Variants in SCUBE3 observed in about 807,000 individuals in gnomAD.
The protein encoded by SCUBE3 is signal peptide, CUB domain and EGF like domain containing 3, also known as signal peptide, CUB and EGF-like domain-containing protein 3.
SCUBE3 carries 33 observed loss-of-function variants against 116.8 expected under a neutral mutation model. The ratio of observed to expected loss-of-function variants is 0.28; its 90% confidence interval spans 0.21 to 0.38. SCUBE3 has a LOEUF of 0.38. Among genes scored for constraint, SCUBE3 ranks in the 10% least tolerant of loss-of-function variants. SCUBE3 has a pLI of 1.00. For missense variants in SCUBE3, 1,007 were observed against 1,324.8 expected (o/e 0.76, Z 3.72); for synonymous variants, 418 against 496.9 (o/e 0.84, Z 2.11).
rs563813248 is a variant in SCUBE3 at position 35,247,554 on chromosome 6, G to T, written c.2833-1002G>T. 3.3e-5 allele frequency among the ~76,000 whole-genome samples: 5 copies of T among 151,322 alleles called. No homozygotes were observed. In the East Asian group the frequency reaches 9.7e-4, roughly 29 times the overall value. On this transcript the variant is annotated intron_variant, in intron 21 of 21. Transcript: ENST00000274938. ...TTTTTATATTATCATCAAAATAAAA[G>T]CCTTGACAACAAAAATCACCTAGAA...
At position 35,243,187 on chromosome 6, in the gene SCUBE3, G is replaced by A; in HGVS notation, c.1860G>A (p.Glu620=). Reference sequence around the variant, plus strand: ...GCCTGGTAGCCGGGGAGCGAGCAGAGCCGATGGAGTCCTGTAGGCCCGGGC... The same window carrying A: ...GCCTGGTAGCCGGGGAGCGAGCAGAACCGATGGAGTCCTGTAGGCCCGGGC... The part of the protein sequence containing the change: ...KPGLVAGERA[E]PMESCRPGQH... Residue 620 remains glutamate, a synonymous_variant, in exon 15 of 22, where the codon GAG becomes GAA. Transcript: ENST00000274938. The surrounding 1 kb of genome is among the most constrained non-coding windows in gnomAD (Gnocchi z 6.6). 2 of 1,614,214 alleles carry A rather than the reference G, an allele frequency of 1.2e-6. No homozygotes were observed. Among genetic ancestry groups the A allele is most frequent in the South Asian group, 2.2e-5 (2 of 91,086 alleles).
intron 3 of SCUBE3, among the ~76,000 whole-genome samples, chr6:35,230,370 G>A (rs1359782110): frequency 2.0e-5 from 3 of 152,216 alleles, no homozygotes. Flanking sequence ...ACAAGAGAAT[G>A]ATTAGGTATA....
chr6:35,221,383 T>A (rs1168602176), intron 1 of SCUBE3: 1 of 152,188 alleles, frequency 6.6e-6, no homozygotes. Flanking sequence ...AGACTAAACT[T>A]CCTGGGACTT....
At position 35,249,944 on chromosome 6, in the gene SCUBE3, T is replaced by C. The variant is rs1366090503; in HGVS notation, c.*1239T>C. On this transcript the variant is annotated 3_prime_UTR_variant, in exon 22 of 22. Coordinates refer to ENST00000274938, the MANE Select transcript of SCUBE3 (RefSeq NM_152753.4). Reference sequence around the variant, plus strand: ...TTTTGTTTTCTGGGTTTGTTTTTTGTTTTTGTTTCTTCTTCCTCTATTAGC... The same window carrying C: ...TTTTGTTTTCTGGGTTTGTTTTTTGCTTTTGTTTCTTCTTCCTCTATTAGC... 6.5e-6 allele frequency: 1 copy of C among 152,732 alleles called. No homozygotes were observed. Among genetic ancestry groups the C allele is most frequent in the African/African-American group, 2.4e-5 (1 of 41,470 alleles). 9.5% of individuals were successfully genotyped at this position (152,732 alleles called of 1,614,324 possible).
chr6:35,216,969 G>A (rs1026480358), intron 1 of SCUBE3, among the ~76,000 whole-genome samples: 2 of 151,912 alleles, frequency 1.3e-5, no homozygotes, highest in Non-Finnish European at 2.9e-5. Context: ...AGGCAACATA[G>A]CTGGATGTCT....
At chr6:35,248,039 A>C (rs1181375967) in intron 21 of SCUBE3, among the ~76,000 whole-genome samples, 1 of 152,260 alleles carries the variant, frequency 6.6e-6, no homozygotes, top group Admixed American at 6.5e-5. Context: ...GGTGGAAAGC[A>C]AGATACAGAT....
In SCUBE3 at chr6:35,232,473, G is replaced by C. The variant is rs566445484; in HGVS notation, c.470-377G>C. ...TACTGATCTTCTTCCCAGTTTGACTGTAAGCTCTTTGAGGGGAGTGATCAC... is the reference window on the plus strand; with the variant it reads ...TACTGATCTTCTTCCCAGTTTGACTCTAAGCTCTTTGAGGGGAGTGATCAC... On this transcript the variant is annotated intron_variant, in intron 4 of 21. Transcript: ENST00000274938. The surrounding 1 kb of genome is among the most constrained non-coding windows in gnomAD (Gnocchi z 4.2). Among the ~76,000 whole-genome samples the C allele has an allele frequency of 5.3e-5, 8 of 152,154 alleles. No homozygotes were observed. The highest frequency in any genetic ancestry group is 4.1e-4 in the South Asian group (2 of 4,820).
rs938495878 is a variant in SCUBE3 at position 35,250,029 on chromosome 6, G to A, written c.*1324G>A. On this transcript the variant is annotated 3_prime_UTR_variant, in exon 22 of 22. Coordinates refer to ENST00000274938, the MANE Select transcript of SCUBE3 (RefSeq NM_152753.4). Reference sequence around the variant, plus strand: ...TGTATGTTTGGAGTGGAAGAAAATCGGTTTTGAATCTCATGAACCTTGAGT... The same window carrying A: ...TGTATGTTTGGAGTGGAAGAAAATCAGTTTTGAATCTCATGAACCTTGAGT... The A allele has an allele frequency of 1.3e-5, 2 of 152,586 alleles. No individual in the cohort carries two copies. The highest frequency in any genetic ancestry group is 2.4e-5 in the African/African-American group (1 of 41,432). 9.5% of individuals were successfully genotyped at this position (152,586 alleles called of 1,614,324 possible). A position where few individuals can be genotyped will look rare whatever the true frequency, so the allele number is the denominator to read the frequency against.
intron 21 of SCUBE3, among the ~76,000 whole-genome samples, chr6:35,246,541 G>C (rs1041338937): frequency 1.3e-5 from 2 of 152,154 alleles, no homozygotes; most frequent in African/African-American, 4.8e-5. Context: ...TTACACCTTG[G>C]GGAAAACTTG....
chr6:35,219,966 C>T lies in SCUBE3; in HGVS notation c.85+5463C>T, dbSNP rs1783062563. 6.6e-6 allele frequency among the ~76,000 whole-genome samples: 1 copy of T among 152,156 alleles called. No individual in the cohort carries two copies. The highest frequency in any genetic ancestry group is 1.5e-5 in the Non-Finnish European group (1 of 68,018). ...TCCTTATTGCAACTGTGTCTGTACC[C>T]TCCCTGCCCACTACTCAGCCTTGCT... On this transcript the variant is annotated intron_variant, in intron 1 of 21. Transcript: ENST00000274938. The surrounding 1 kb of genome is among the most constrained non-coding windows in gnomAD (Gnocchi z 4.7).
In SCUBE3 at chr6:35,249,852, C is replaced by T. The variant is rs966600866; in HGVS notation, c.*1147C>T. 6.6e-6 allele frequency: 1 copy of T among 152,662 alleles called. No individual in the cohort carries two copies. The highest frequency in any genetic ancestry group is 1.9e-4 in the East Asian group (1 of 5,204). 9.5% of individuals were successfully genotyped at this position (152,662 alleles called of 1,614,324 possible). A position where few individuals can be genotyped will look rare whatever the true frequency, so the allele number is the denominator to read the frequency against. On this transcript the variant is annotated 3_prime_UTR_variant, in exon 22 of 22. Coordinates refer to ENST00000274938, the MANE Select transcript of SCUBE3 (RefSeq NM_152753.4). Reference sequence around the variant, plus strand: ...GTGTGTGCACTTGGCGAGCCTCCTGCCCACCCTGTCCACACCTAATAAGTG... The same window carrying T: ...GTGTGTGCACTTGGCGAGCCTCCTGTCCACCCTGTCCACACCTAATAAGTG...
Position 35,214,463 on chromosome 6 carries a change from G to C in SCUBE3, c.45G>C (p.Leu15=). The C allele has an allele frequency of 6.6e-7, 1 of 1,509,960 alleles. No individual in the cohort carries two copies. 93.5% of individuals were successfully genotyped at this position (1,509,960 alleles called of 1,614,324 possible). A position where few individuals can be genotyped will look rare whatever the true frequency, so the allele number is the denominator to read the frequency against. The change falls in exon 1 of 22, where the codon CTG becomes CTC. Residue 15 remains leucine (L), a synonymous_variant. Coordinates refer to ENST00000274938, the MANE Select transcript of SCUBE3 (RefSeq NM_152753.4). This position sits in a 1 kb window ranked among gnomAD's most constrained non-coding sequence, Gnocchi z 6.3. ...CCGGGCTCTGCCTGCTTGTCCTGCT[G>C]GTCCACGCCCGCGCCGCCCAGTACA... is the stretch of plus-strand genomic sequence containing the variant. The part of the protein sequence containing the change: ...RVPGLCLLVL[L]VHARAAQYSK...
Position 35,241,047 on chromosome 6 carries a change from G to C in SCUBE3, c.1070-94G>C. ...TCATCTTGCGTAATGCAGGGTACCTGAAACTCTAACCAAAGGCCCTCACTC... is the reference window on the plus strand; with the variant it reads ...TCATCTTGCGTAATGCAGGGTACCTCAAACTCTAACCAAAGGCCCTCACTC... On this transcript the variant is annotated intron_variant, in intron 9 of 21. Transcript: ENST00000274938. The surrounding 1 kb of genome is among the most constrained non-coding windows in gnomAD (Gnocchi z 4.1). 7.9e-7 allele frequency: 1 copy of C among 1,269,246 alleles called. No individual in the cohort carries two copies. Among genetic ancestry groups the C allele is most frequent in the South Asian group, 1.4e-5 (1 of 69,990 alleles). The allele number at this position is 1,269,246 out of a possible 1,614,324, so 78.6% of individuals were successfully genotyped here.
chr6:35,233,468 A>G lies in SCUBE3; in HGVS notation c.712+167A>G, dbSNP rs1783634252. ...GCCAGGTCTAGTAAGGGACAACTCA[A>G]AGAGAGACTGAAGGGCTCCCCAGCC... On this transcript the variant is annotated intron_variant, in intron 6 of 21. Coordinates refer to ENST00000274938, the MANE Select transcript of SCUBE3 (RefSeq NM_152753.4). The surrounding 1 kb of genome is among the most constrained non-coding windows in gnomAD (Gnocchi z 5.7). Among the ~76,000 whole-genome samples, 1 of 152,118 alleles carries G rather than the reference A, an allele frequency of 6.6e-6. No individual in the cohort carries two copies. The highest frequency in any genetic ancestry group is 2.4e-5 in the African/African-American group (1 of 41,424).
intron 1 of SCUBE3, among the ~76,000 whole-genome samples, chr6:35,216,942 TCAC>T (rs1782917363): frequency 6.6e-6 from 1 of 151,786 alleles, no homozygotes; most frequent in African/African-American, 2.4e-5. Flanking sequence ...CATGAGAGGT[TCAC>T]CACAGTTACC....
At position 35,233,084 on chromosome 6, in the gene SCUBE3, A is replaced by C; in HGVS notation, c.596-101A>C. On this transcript the variant is annotated intron_variant, in intron 5 of 21. Coordinates refer to ENST00000274938, the MANE Select transcript of SCUBE3 (RefSeq NM_152753.4). The surrounding 1 kb of genome is among the most constrained non-coding windows in gnomAD (Gnocchi z 5.7). ...GACAGGGCTGGGAGGAAAAGGGAGTATGGGGGAGGCAACTAGGCAAGGGGG... is the reference window on the plus strand; with the variant it reads ...GACAGGGCTGGGAGGAAAAGGGAGTCTGGGGGAGGCAACTAGGCAAGGGGG... 4 of 1,496,420 alleles carry C rather than the reference A, an allele frequency of 2.7e-6. No individual in the cohort carries two copies. Among genetic ancestry groups the C allele is most frequent in the South Asian group, 1.2e-5 (1 of 84,406 alleles). The allele number at this position is 1,496,420 out of a possible 1,614,324, so 92.7% of individuals were successfully genotyped here. A position where few individuals can be genotyped will look rare whatever the true frequency, so the allele number is the denominator to read the frequency against.
At chr6:35,248,314 A>C (rs1784435001) in intron 21 of SCUBE3, among the ~76,000 whole-genome samples, 1 of 152,194 alleles carries the variant, frequency 6.6e-6, no homozygotes, top group Non-Finnish European at 1.5e-5. Flanking sequence ...GTAAGCAAGA[A>C]AGAGGATTCA....
chr6:35,223,049 G>A (rs7763946), intron 1 of SCUBE3: 102,830 of 152,122 alleles, frequency 0.68, 37,864 homozygotes, highest in Non-Finnish European at 0.82. Context: ...GGCTGAGCAT[G>A]ATGCCACGCG....
In SCUBE3 at chr6:35,232,860, T is replaced by C. The variant is rs17854741; in HGVS notation, c.480T>C (p.Asn160=). 2.1e-3 allele frequency: 3,392 copies of C among 1,614,088 alleles called. 16 individuals are homozygous for C. The highest frequency in any genetic ancestry group is 0.01 in the South Asian group (929 of 91,072). ...TCIQRPEEGM[N]CMNKNHGCAH... ...TTTCTTCTCTTTTAGAAGGAATGAA[T>C]TGCATGAACAAGAACCACGGCTGTG... The change falls in exon 5 of 22, where the codon AAT becomes AAC. Residue 160 remains asparagine, a synonymous_variant. Transcript: ENST00000274938. The surrounding 1 kb of genome is among the most constrained non-coding windows in gnomAD (Gnocchi z 4.2).
Sources: allele counts gnomAD v4.1 joint callset (sites outside exome capture counted in the v4.1 genomes callset), GRCh38; gene constraint gnomAD v4.1.1; non-coding constraint Gnocchi (gnomAD v3.1); transcripts MANE v1.5; gene names NCBI Gene and HGNC (gene_info 2026-07-23, HGNC 2026-07-21).